SCAF8: variants seen among roughly 807,000 people sequenced by gnomAD.
The protein encoded by SCAF8 is SR-related CTD associated factor 8, also known as SR-related and CTD-associated factor 8.
A neutral mutation model predicts 140.5 loss-of-function variants in SCAF8; 23 were observed. The observed-to-expected ratio is 0.16, with a 90% CI of 0.12 to 0.23. The LOEUF (loss-of-function observed/expected upper bound fraction) is 0.23, where lower values mean the gene tolerates loss of function less well. Among genes scored for constraint, SCAF8 ranks in the 10% least tolerant of loss-of-function variants. SCAF8 has a pLI of 1.00. For synonymous variants in SCAF8, 575 were observed against 528.9 expected, an observed-to-expected ratio of 1.09 and a Z score of -1.20; for missense variants, 1,397 against 1,555.7, an observed-to-expected ratio of 0.90 and a Z score of 1.72.
At chr6:154,788,913 G>C (rs72993441) in intron 4 of SCAF8, among the ~76,000 whole-genome samples, 1 of 152,110 alleles carries the variant, frequency 6.6e-6, no homozygotes, top group Non-Finnish European at 1.5e-5. Flanking sequence ...TGATTGCAGT[G>C]TTGATTTAAG....
chr6:154,787,074 G>T (rs1419954198), intron 3 of SCAF8, among the ~76,000 whole-genome samples: 2 of 152,256 alleles, frequency 1.3e-5, no homozygotes, highest in African/African-American at 4.8e-5. Context: ...AGTAGGGGAG[G>T]CAGGGCACGG....
chr6:154,807,949 ATTTC>A, intron 9 of SCAF8, 117 bp from the exon 10 acceptor site: 4 of 802,140 alleles, frequency 5.0e-6, no homozygotes, highest in Non-Finnish European at 7.5e-6. Context: ...TTAACATGGA[ATTTC>A]TTTTATGTAT....
intron 1 of SCAF8, among the ~76,000 whole-genome samples, chr6:154,744,826 C>G (rs1381802424): frequency 1.3e-5 from 2 of 152,188 alleles, no homozygotes; most frequent in Non-Finnish European, 2.9e-5. Context: ...ATCCAGATTT[C>G]TGTGCCTCCT....
In SCAF8 at chr6:154,824,395, T is replaced by C; in HGVS notation, c.2071+17T>C. On this transcript the variant is annotated intron_variant, in intron 17 of 19. Coordinates refer to ENST00000367178, the MANE Select transcript of SCAF8 (RefSeq NM_014892.5). Reference sequence around the variant, plus strand: ...CACCACCTGGTAAGGAATTTTTGTTTTAATATTTGAACTCTATTTAGATTA... The same window carrying C: ...CACCACCTGGTAAGGAATTTTTGTTCTAATATTTGAACTCTATTTAGATTA... The C allele has an allele frequency of 6.2e-7, 1 of 1,602,936 alleles. No individual in the cohort carries two copies. The highest frequency in any genetic ancestry group is 1.1e-5 in the South Asian group (1 of 90,598).
At chr6:154,776,976 T>G (rs1341730308) in intron 2 of SCAF8, among the ~76,000 whole-genome samples, 1 of 152,078 alleles carries the variant, frequency 6.6e-6, no homozygotes, top group East Asian at 1.9e-4. Flanking sequence ...AGGTCAAGAG[T>G]TAGAGACCAG....
At chr6:154,743,878 T>G (rs1026482118) in intron 1 of SCAF8, among the ~76,000 whole-genome samples, 3 of 152,252 alleles carry the variant, frequency 2.0e-5, no homozygotes, top group Non-Finnish European at 4.4e-5. Flanking sequence ...TAAGTAATTT[T>G]GTTTTTTACA....
At chr6:154,740,473 T>C (rs1778538793) in intron 1 of SCAF8, among the ~76,000 whole-genome samples, 1 of 152,152 alleles carries the variant, frequency 6.6e-6, no homozygotes, top group African/African-American at 2.4e-5. Context: ...TCATAGCAAT[T>C]TTAAGTAATT....
At chr6:154,745,282 A>G (rs768783736) in intron 1 of SCAF8, among the ~76,000 whole-genome samples, 2 of 152,148 alleles carry the variant, frequency 1.3e-5, no homozygotes, top group Non-Finnish European at 2.9e-5. Context: ...TGGCAGAAAC[A>G]CTCCAGGAGT....
At chr6:154,775,468 G>C (rs1036227684) in intron 2 of SCAF8, among the ~76,000 whole-genome samples, 1 of 152,184 alleles carries the variant, frequency 6.6e-6, no homozygotes, top group Non-Finnish European at 1.5e-5. Context: ...GTTGAGCAGA[G>C]TACTTTCTTA....
Position 154,822,393 on chromosome 6 carries a change from C to A in SCAF8, c.1910C>A (p.Pro637His). The change falls in exon 16 of 20, where the codon CCT (proline) becomes CAT (histidine). Residue 637 changes from proline to histidine, a missense_variant. Physicochemically the swap from Pro to His is moderately conservative, Grantham distance 77 (BLOSUM62 -2). Transcript: ENST00000367178. ...ACCCAGGCAGAGGTTTTCCCTCCTC[C>A]TGTTGCTATGTTGCAGGTTAGTGTT... The part of the protein sequence containing the change: ...VTTQAEVFPP[P>H]VAMLQIPVAP... 6.2e-7 allele frequency: 1 copy of A among 1,612,026 alleles called. No homozygotes were observed. The highest frequency in any genetic ancestry group is 1.1e-5 in the South Asian group (1 of 90,666).
chr6:154,786,329 G>C (rs931431713), intron 3 of SCAF8, among the ~76,000 whole-genome samples: 1 of 152,188 alleles, frequency 6.6e-6, no homozygotes, highest in Non-Finnish European at 1.5e-5. Flanking sequence ...GACATCAGCT[G>C]ATCCATCCAG....
intron 3 of SCAF8, among the ~76,000 whole-genome samples, chr6:154,787,112 T>A (rs775713744): frequency 2.4e-4 from 37 of 152,242 alleles, no homozygotes; most frequent in Non-Finnish European, 4.7e-4. Context: ...TCCAGCACTT[T>A]GGGAGATCTA....
chr6:154,826,830 A>G (rs1778578790), intron 17 of SCAF8, among the ~76,000 whole-genome samples: 1 of 152,244 alleles, frequency 6.6e-6, no homozygotes, highest in South Asian at 2.1e-4. Context: ...TGATCTAGTG[A>G]GTAAACACAC....
chr6:154,752,048 A>G lies in SCAF8; in HGVS notation c.30+18118A>G, dbSNP rs1473692507. Among the ~76,000 whole-genome samples, 4 of 152,198 alleles carry G rather than the reference A, an allele frequency of 2.6e-5. No individual in the cohort carries two copies. The East Asian group carries it at 7.7e-4, about 29-fold the overall frequency. ...GTTATTCTTTAAGTCTATATCCTTA[A>G]TGTATCTGTAGTATGTTTCTAATTT... On this transcript the variant is annotated intron_variant, in intron 1 of 19. Transcript: ENST00000367178.
At position 154,826,736 on chromosome 6, in the gene SCAF8, C is replaced by A. The variant is rs573933121; in HGVS notation, c.2072-436C>A. ...CTAAAATTAATAATTTAATTGAAAT[C>A]ATTAAAAAGCCAATATTAAATTGAA... On this transcript the variant is annotated intron_variant, in intron 17 of 19. Coordinates refer to ENST00000367178, the MANE Select transcript of SCAF8 (RefSeq NM_014892.5). 7.2e-5 allele frequency among the ~76,000 whole-genome samples: 11 copies of A among 152,184 alleles called. 1 individual carries two copies. The highest frequency in any genetic ancestry group is 2.6e-4 in the African/African-American group (11 of 41,522).
In SCAF8 at chr6:154,833,652, A is replaced by G. The variant is rs1475159116; in HGVS notation, c.*257A>G. The G allele has an allele frequency of 3.1e-6, 1 of 325,140 alleles. No individual in the cohort carries two copies. The highest frequency in any genetic ancestry group is 5.6e-6 in the Non-Finnish European group (1 of 179,044). 20.1% of individuals were successfully genotyped at this position (325,140 alleles called of 1,614,324 possible). A position where few individuals can be genotyped will look rare whatever the true frequency, so the allele number is the denominator to read the frequency against. The stretch of plus-strand genomic sequence containing the variant: ...GTTGGCCCCAGATTCTTTTAACGTC[A>G]AGGAAATGAATAACAGCTTGTCAGA... On this transcript the variant is annotated 3_prime_UTR_variant, in exon 20 of 20. Coordinates refer to ENST00000367178, the MANE Select transcript of SCAF8 (RefSeq NM_014892.5).
chr6:154,751,910 A>C (rs1778847151), intron 1 of SCAF8, among the ~76,000 whole-genome samples: 1 of 152,186 alleles, frequency 6.6e-6, no homozygotes, highest in Non-Finnish European at 1.5e-5. Context: ...GAAGTATTGC[A>C]CAGAGCACCC....
In SCAF8 at chr6:154,832,765, ACCT is replaced by A. The variant is rs1449511106; in HGVS notation, c.3190_3192del (p.Pro1064del). On this transcript the variant is annotated inframe_deletion, in exon 20 of 20. Coordinates refer to ENST00000367178, the MANE Select transcript of SCAF8 (RefSeq NM_014892.5). ...TAGATGGTAGGGATCATTTTGGAAGACCTCCTGTAGATATAAGAGAGAATCTTG... is the reference window on the plus strand; with the variant it reads ...TAGATGGTAGGGATCATTTTGGAAGACCTGTAGATATAAGAGAGAATCTTG... 1.9e-6 allele frequency: 3 copies of A among 1,613,616 alleles called. No individual in the cohort carries two copies. The highest frequency in any genetic ancestry group is 2.2e-5 in the East Asian group (1 of 44,856).
intron 1 of SCAF8, among the ~76,000 whole-genome samples, chr6:154,751,849 TCTC>T (rs1778845628): frequency 6.6e-6 from 1 of 152,158 alleles, no homozygotes; most frequent in South Asian, 2.1e-4. Flanking sequence ...GTGCTGCTCC[TCTC>T]CTCCTCGTAG....
Sources: allele counts gnomAD v4.1 joint callset (sites outside exome capture counted in the v4.1 genomes callset), GRCh38; gene constraint gnomAD v4.1.1; transcripts MANE v1.5; gene names NCBI Gene and HGNC (gene_info 2026-07-23, HGNC 2026-07-21).